Variants in PCDHA7 observed in about 807,000 individuals in gnomAD.
PCDHA7 encodes protocadherin alpha 7, also known as protocadherin alpha-7.
In PCDHA7, 37 loss-of-function variants were observed where a neutral mutation model predicts 57.2. The ratio of observed to expected loss-of-function variants is 0.65; its 90% confidence interval spans 0.50 to 0.85. The LOEUF is 0.85. Ranked by LOEUF, PCDHA7 falls within the 40% of genes least tolerant of loss-of-function variation. PCDHA7 has a pLI of 0.00. For missense variants in PCDHA7, 1,188 were observed against 1,241.8 expected, an observed-to-expected ratio of 0.96 and a Z score of 0.65; for synonymous variants, 553 against 558.8, an observed-to-expected ratio of 0.99 and a Z score of 0.15.
chr5:140,887,787 C>T (rs782343895), intron 1 of PCDHA7, among the ~76,000 whole-genome samples: 8 of 152,080 alleles, frequency 5.3e-5, no homozygotes, highest in African/African-American at 9.7e-5. Flanking sequence ...GTCATTGAAG[C>T]GTTCTTTATT....
At chr5:140,974,284 G>C (rs1409183152) in intron 1 of PCDHA7, among the ~76,000 whole-genome samples, 2 of 152,092 alleles carry the variant, frequency 1.3e-5, no homozygotes, top group Non-Finnish European at 2.9e-5. Flanking sequence ...CAGAACTCTG[G>C]GCTCCAAGGA....
chr5:140,972,540 T>G (rs1375467339), intron 1 of PCDHA7, among the ~76,000 whole-genome samples: 2 of 152,148 alleles, frequency 1.3e-5, no homozygotes, highest in Non-Finnish European at 2.9e-5. Flanking sequence ...AAATCACTTG[T>G]GCAGTGAGGA....
rs2150464211 is a variant in PCDHA7 at position 140,850,028 on chromosome 5, C to T, written c.2355+13290C>T. 1.0e-5 allele frequency: 16 copies of T among 1,596,676 alleles called. 1 individual carries two copies. Among genetic ancestry groups the T allele is most frequent in the East Asian group, 2.2e-5 (1 of 44,848 alleles). On this transcript the variant is annotated intron_variant, in intron 1 of 3. Coordinates refer to ENST00000525929, the MANE Select transcript of PCDHA7 (RefSeq NM_018910.3). The stretch of plus-strand genomic sequence containing the variant: ...CGCTGTCGAGCTACGTGTCAGTGCA[C>T]GCGGAGAGCGGCAAGGTGTACGCGC...
chr5:140,928,234 C>T lies in PCDHA7; in HGVS notation c.2356-50715C>T, dbSNP rs1319421246. The T allele has an allele frequency of 4.3e-6, 7 of 1,614,096 alleles. No homozygotes were observed. In the African/African-American group the frequency reaches 8.0e-5, roughly 18 times the overall value. On this transcript the variant is annotated intron_variant, in intron 1 of 3. Transcript: ENST00000525929. ...TGACAATACACCAAACTTTCCTCAA[C>T]CCCAGCAGGAACTTTTCGTTGCTGA...
intron 1 of PCDHA7, chr5:140,841,917 C>T (rs1777584856): frequency 1.2e-6 from 2 of 1,613,834 alleles, no homozygotes; most frequent in Admixed American, 1.7e-5. Context: ...TTAAGAAAAT[C>T]CTTGGACAGA....
At position 140,834,284 on chromosome 5, in the gene PCDHA7, A is replaced by T; in HGVS notation, c.-100A>T. 1 of 1,167,116 alleles carries T rather than the reference A, an allele frequency of 8.6e-7. No individual in the cohort carries two copies. Among genetic ancestry groups the T allele is most frequent in the Non-Finnish European group, 1.2e-6 (1 of 817,100 alleles). The allele number at this position is 1,167,116 out of a possible 1,614,324, so 72.3% of individuals were successfully genotyped here. On this transcript the variant is annotated 5_prime_UTR_variant, in exon 1 of 4. Transcript: ENST00000525929. ...ACTCTCTTTCACTCTTTGGATGCAC[A>T]ACAATGGCCACACATCGAGATTGAA...
At chr5:140,918,051 A>C (rs782531005) in intron 1 of PCDHA7, among the ~76,000 whole-genome samples, 4 of 151,984 alleles carry the variant, frequency 2.6e-5, no homozygotes, top group Admixed American at 2.0e-4. Flanking sequence ...CATTTGTTTT[A>C]TCATCTCTGA....
At chr5:140,853,560 A>G in intron 1 of PCDHA7, 1 of 981,448 alleles carries the variant, frequency 1.0e-6, no homozygotes, top group Non-Finnish European at 1.2e-6. Flanking sequence ...ATATAGGAAA[A>G]ACTAAGTTGT....
chr5:140,926,629 G>A, intron 1 of PCDHA7: 1 of 406,364 alleles, frequency 2.5e-6, no homozygotes, highest in African/African-American at 2.1e-5. Context: ...GCGGCGCTGC[G>A]CTCCTCAACA....
chr5:140,863,356 C>T (rs1554158132), intron 1 of PCDHA7: 1 of 1,255,152 alleles, frequency 8.0e-7, no homozygotes, highest in Non-Finnish European at 1.1e-6. Flanking sequence ...CACGACGCTG[C>T]GGTGCTTGGC....
intron 1 of PCDHA7, among the ~76,000 whole-genome samples, chr5:140,958,627 T>C (rs1183042351): frequency 6.6e-6 from 1 of 152,128 alleles, no homozygotes; most frequent in African/African-American, 2.4e-5. Flanking sequence ...AGCTTGAGAG[T>C]ACTGCAGAAA....
chr5:140,870,976 C>T (rs2052595345), intron 1 of PCDHA7: 1 of 1,613,480 alleles, frequency 6.2e-7, no homozygotes, highest in Non-Finnish European at 8.5e-7. Context: ...CCGCGTGGGG[C>T]TGTACACGGG....
chr5:140,845,984 T>C (rs2150383304), intron 1 of PCDHA7, among the ~76,000 whole-genome samples: 2 of 149,806 alleles, frequency 1.3e-5, no homozygotes, highest in African/African-American at 4.9e-5. Flanking sequence ...ATATTTTGAA[T>C]GTTGTGTGGT....
At chr5:140,869,453 T>C in intron 1 of PCDHA7, 1 of 1,614,214 alleles carries the variant, frequency 6.2e-7, no homozygotes, top group Non-Finnish European at 8.5e-7. Flanking sequence ...CTGCAGGTTT[T>C]CCATGTGAAC....
rs781995177 is a variant in PCDHA7 at position 140,857,719 on chromosome 5, G to T, written c.2355+20981G>T. 3.8e-6 allele frequency: 6 copies of T among 1,597,526 alleles called. No homozygotes were observed. The South Asian group carries it at 5.5e-5, about 15-fold the overall frequency. The stretch of plus-strand genomic sequence containing the variant: ...CGCTGCAGGTGTTCGTGCTGGACGA[G>T]AACGACAACGCTCCCGCGCTGCTGG... On this transcript the variant is annotated intron_variant, in intron 1 of 3. Transcript: ENST00000525929.
rs1262836505 is a variant in PCDHA7 at position 141,012,081 on chromosome 5, T to C, written c.*2144T>C. The C allele has an allele frequency of 6.5e-6, 1 of 153,748 alleles. No individual in the cohort carries two copies. Among genetic ancestry groups the C allele is most frequent in the Non-Finnish European group, 1.5e-5 (1 of 68,042 alleles). 9.5% of individuals were successfully genotyped at this position (153,748 alleles called of 1,614,324 possible). On this transcript the variant is annotated 3_prime_UTR_variant, in exon 4 of 4. Transcript: ENST00000525929. Reference sequence around the variant, plus strand: ...CAACACATGTGAACCATTGCTACATTGTAGGTTGTGATCATTTTGCCCCAC... The same window carrying C: ...CAACACATGTGAACCATTGCTACATCGTAGGTTGTGATCATTTTGCCCCAC...
At position 140,856,428 on chromosome 5, in the gene PCDHA7, A is replaced by G. The variant is rs782670614; in HGVS notation, c.2355+19690A>G. On this transcript the variant is annotated intron_variant, in intron 1 of 3. Coordinates refer to ENST00000525929, the MANE Select transcript of PCDHA7 (RefSeq NM_018910.3). ...GACGTGGAAGTGAAGGACATTAACG[A>G]CAACCCGCCCAGGTTCTCCGTAACA... The G allele has an allele frequency of 5.0e-6, 8 of 1,598,286 alleles. No homozygotes were observed. The East Asian group carries it at 1.8e-4, about 36-fold the overall frequency.
chr5:140,928,251 C>T (rs267600404), intron 1 of PCDHA7: 5 of 1,614,204 alleles, frequency 3.1e-6, no homozygotes, highest in Non-Finnish European at 3.4e-6. Flanking sequence ...AGGAACTTTT[C>T]GTTGCTGAAA....
At chr5:140,850,455 C>T (rs2150484906) in intron 1 of PCDHA7, 1 of 1,597,620 alleles carries the variant, frequency 6.3e-7, no homozygotes, top group Admixed American at 1.7e-5. Context: ...GGTGAAAGAC[C>T]ACGGGGAGCC....
Sources: allele counts gnomAD v4.1 joint callset (sites outside exome capture counted in the v4.1 genomes callset), GRCh38; gene constraint gnomAD v4.1.1; transcripts MANE v1.5; gene names NCBI Gene and HGNC (gene_info 2026-07-23, HGNC 2026-07-21).